Variants in ANK2 observed in about 807,000 individuals in gnomAD.
The protein encoded by ANK2 is ankyrin 2.
ANK2 carries 83 observed loss-of-function variants against 360.5 expected under a neutral mutation model. The ratio of observed to expected loss-of-function variants is 0.23; its 90% CI spans 0.19 to 0.28. The LOEUF is 0.28. Ranked by LOEUF, ANK2 falls within the 10% of genes least tolerant of loss-of-function variation. The pLI, the probability that ANK2 is intolerant of heterozygous loss-of-function variation, is 1.00. For synonymous variants in ANK2, 1,740 were observed against 1,759.5 expected (o/e 0.99, Z 0.28); for missense variants, 4,201 against 4,795.7 (o/e 0.88, Z 3.66).
At chr4:112,957,257 A>C (rs1162170960) in intron 2 of ANK2, among the ~76,000 whole-genome samples, 1 of 151,988 alleles carries the variant, frequency 6.6e-6, no homozygotes, top group Non-Finnish European at 1.5e-5. Context: ...TTAACAAAGC[A>C]CATCTTGCAC....
intron 2 of ANK2, among the ~76,000 whole-genome samples, chr4:112,939,672 C>T (rs759791630): frequency 6.6e-6 from 1 of 152,156 alleles, no homozygotes; most frequent in East Asian, 1.9e-4. Context: ...TAAAATGACT[C>T]ATAATTCAAG....
chr4:113,359,263 C>G lies in ANK2; in HGVS notation c.10645C>G (p.Arg3549Gly). The G allele has an allele frequency of 6.2e-7, 1 of 1,613,918 alleles. No individual in the cohort carries two copies. The highest frequency in any genetic ancestry group is 8.5e-7 in the Non-Finnish European group (1 of 1,179,866). ...TGAGTCTATTGAGACTCTGATTGAACGCATCCCTGATGAAAATGGCCATGA... is the reference window on the plus strand; with the variant it reads ...TGAGTCTATTGAGACTCTGATTGAAGGCATCCCTGATGAAAATGGCCATGA... ...WDESIETLIE[R>G]IPDENGHDHA... Residue 3549 changes from arginine (R) to glycine (G), a missense_variant, in exon 38 of 46, where the codon CGC becomes GGC. By Grantham distance (125) the Arg-to-Gly change is moderately radical. This residue lies in a region of ANK2 where 2,642 missense variants were observed against 2,714.5 expected (regional missense o/e 0.97). Coordinates refer to ENST00000357077, the MANE Select transcript of ANK2 (RefSeq NM_001148.6).
chr4:112,852,625 C>A (rs914490790), intron 1 of ANK2, among the ~76,000 whole-genome samples: 27 of 152,120 alleles, frequency 1.8e-4, no homozygotes, highest in African/African-American at 5.1e-4. Flanking sequence ...TAAAAAACAA[C>A]AAACATTTCT....
At chr4:112,984,193 T>C (rs1043413085) in intron 2 of ANK2, among the ~76,000 whole-genome samples, 1 of 152,206 alleles carries the variant, frequency 6.6e-6, no homozygotes, top group African/African-American at 2.4e-5. Flanking sequence ...GAAATTAGTA[T>C]CTTGGTTTTT....
chr4:112,878,583 C>T (rs1027652065), intron 1 of ANK2, among the ~76,000 whole-genome samples: 58 of 152,276 alleles, frequency 3.8e-4, no homozygotes, highest in African/African-American at 1.2e-3. Context: ...GCCTTGGCCT[C>T]CCAAAGTGTT....
At chr4:112,780,003 A>C in the ANK2 span, among the ~76,000 whole-genome samples, 1 of 152,264 alleles carries the variant, frequency 6.6e-6, no homozygotes, top group Non-Finnish European at 1.5e-5. Context: ...TGGGCGGATC[A>C]TCTGAAGTCA....
chr4:112,819,215 G>A (rs931096098), intron 1 of ANK2, among the ~76,000 whole-genome samples: 6 of 152,202 alleles, frequency 3.9e-5, no homozygotes, highest in Non-Finnish European at 8.8e-5. Flanking sequence ...GAGATATAAA[G>A]GGGAATTTAG....
the ANK2 span, among the ~76,000 whole-genome samples, chr4:112,784,797 G>T: frequency 6.6e-6 from 1 of 152,116 alleles, no homozygotes; most frequent in Non-Finnish European, 1.5e-5. Flanking sequence ...TTTATGAACA[G>T]ATTTGATTGG....
intron 36 of ANK2, among the ~76,000 whole-genome samples, chr4:113,349,215 G>A (rs1435986956): frequency 2.6e-5 from 4 of 151,982 alleles, no homozygotes; most frequent in Non-Finnish European, 5.9e-5. Context: ...GCAAATGTGT[G>A]TTTGTCTCCG....
intron 1 of ANK2, among the ~76,000 whole-genome samples, chr4:113,156,379 T>G (rs1017927919): frequency 7.4e-5 from 11 of 147,746 alleles, no homozygotes; most frequent in Non-Finnish European, 1.5e-4. Context: ...TTCTTTTTTT[T>G]TTGTTTTTGA....
chr4:112,863,041 T>C (rs1418248554), intron 1 of ANK2, among the ~76,000 whole-genome samples: 1 of 152,262 alleles, frequency 6.6e-6, no homozygotes, highest in African/African-American at 2.4e-5. Context: ...TTTGCCATTT[T>C]ATAATTTATT....
chr4:112,899,840 C>T (rs150767322), intron 1 of ANK2, among the ~76,000 whole-genome samples: 270 of 152,220 alleles, frequency 1.8e-3, no homozygotes, highest in African/African-American at 6.3e-3. Context: ...TCTGTGAGTG[C>T]AGGAACAGTG....
intron 2 of ANK2, among the ~76,000 whole-genome samples, chr4:112,925,539 G>T (rs925595627): frequency 3.9e-5 from 6 of 152,082 alleles, no homozygotes; most frequent in African/African-American, 1.4e-4. Context: ...AAAAATAATA[G>T]CTTCAATCTG....
intron 22 of ANK2, among the ~76,000 whole-genome samples, chr4:113,294,914 T>C (rs2070222228): frequency 6.6e-6 from 1 of 152,200 alleles, no homozygotes; most frequent in African/African-American, 2.4e-5. Flanking sequence ...GGCCTACACA[T>C]ATATGCCACT....
chr4:112,733,923 C>T, the ANK2 span, among the ~76,000 whole-genome samples: 2 of 152,090 alleles, frequency 1.3e-5, no homozygotes, highest in African/African-American at 2.4e-5. Context: ...TACAGCTGCC[C>T]GCCACCACAC....
At chr4:112,720,979 A>G in the ANK2 span, among the ~76,000 whole-genome samples, 220 of 152,272 alleles carry the variant, frequency 1.4e-3, no homozygotes, top group African/African-American at 5.0e-3. Context: ...GTATTTAGGA[A>G]AATCCTCCAC....
At chr4:112,873,717 T>C (rs1307400624) in intron 1 of ANK2, among the ~76,000 whole-genome samples, 2 of 150,956 alleles carry the variant, frequency 1.3e-5, no homozygotes, top group Non-Finnish European at 3.0e-5. Flanking sequence ...TTTTTTTTTT[T>C]GTATTTTTGG....
chr4:112,839,347 A>G (rs1199344272), intron 1 of ANK2, among the ~76,000 whole-genome samples: 1 of 151,982 alleles, frequency 6.6e-6, no homozygotes, highest in Non-Finnish European at 1.5e-5. Context: ...CCTGATGCTC[A>G]GGATCAGGCT....
intron 1 of ANK2, among the ~76,000 whole-genome samples, chr4:113,163,404 A>G (rs1457247331): frequency 6.6e-6 from 1 of 152,152 alleles, no homozygotes; most frequent in East Asian, 1.9e-4. Context: ...CTCAAAAATT[A>G]TATACACATT....
Sources: allele counts gnomAD v4.1 joint callset (sites outside exome capture counted in the v4.1 genomes callset), GRCh38; gene constraint gnomAD v4.1.1; regional missense constraint gnomAD v4.1.1; transcripts MANE v1.5; gene names NCBI Gene and HGNC (gene_info 2026-07-23, HGNC 2026-07-21).